The following TENM4 variants were observed in gnomAD, a reference collection of about 807,000 sequenced individuals.
The protein encoded by TENM4 is teneurin transmembrane protein 4.
A neutral mutation model predicts 243.3 loss-of-function variants in TENM4; 82 were observed. The observed-to-expected ratio is 0.34, with a 90% confidence interval of 0.28 to 0.40. The LOEUF (loss-of-function observed/expected upper bound fraction) is 0.40, where lower values mean the gene tolerates loss of function less well. Ranked by LOEUF, TENM4 falls within the 10% of genes least tolerant of loss-of-function variation. The pLI is 1.00. For synonymous variants in TENM4, 1,412 were observed against 1,456.3 expected (o/e 0.97, Z 0.69); for missense variants, 3,138 against 3,673.3 (o/e 0.85, Z 3.77).
In TENM4 at chr11:78,891,333, G is replaced by A; in HGVS notation, c.753C>T (p.Asn251=). ...LNSNIPLETR[N]LGKQPFLGTL... ...TCCCTAGGAATGGCTGCTTGCCTAG[G>A]TTTCTACGCACACATGGAGACATGA... The change falls in exon 8 of 34, where the codon AAC becomes AAT. Residue 251 remains asparagine, a synonymous_variant. Coordinates refer to ENST00000278550, the MANE Select transcript of TENM4 (RefSeq NM_001098816.3). 2 of 1,551,436 alleles carry A rather than the reference G, an allele frequency of 1.3e-6. No individual in the cohort carries two copies. The highest frequency in any genetic ancestry group is 1.7e-6 in the Non-Finnish European group (2 of 1,146,922).
chr11:78,970,025 T>C (rs1441703097), intron 6 of TENM4, among the ~76,000 whole-genome samples: 1 of 152,268 alleles, frequency 6.6e-6, no homozygotes, highest in Non-Finnish European at 1.5e-5. Context: ...GTGCTAGCCA[T>C]AGGGCATTCA....
intron 6 of TENM4, among the ~76,000 whole-genome samples, chr11:78,958,367 T>C (rs1857250805): frequency 6.6e-6 from 1 of 152,244 alleles, no homozygotes; most frequent in South Asian, 2.1e-4. Flanking sequence ...AAAGTTTCTA[T>C]GGGGTAGGGA....
At chr11:79,390,832 A>G (rs907269) in intron 1 of TENM4, among the ~76,000 whole-genome samples, 4,376 of 152,274 alleles carry the variant, frequency 0.029, 217 homozygotes, top group African/African-American at 0.1. Flanking sequence ...TTCACCTGGG[A>G]AGTGGGGGAT....
intron 3 of TENM4, among the ~76,000 whole-genome samples, chr11:79,198,893 T>C (rs936067062): frequency 6.6e-6 from 1 of 152,162 alleles, no homozygotes; most frequent in Non-Finnish European, 1.5e-5. Flanking sequence ...CTGATCTGCC[T>C]GGTCTGGGGA....
At position 78,805,282 on chromosome 11, in the gene TENM4, C is replaced by CCCCCCCCCCCCCCCCCCCCCCTT; in HGVS notation, c.2179+9_2179+10insAAGGGGGGGGGGGGGGGGGGGGG. 1.0e-6 allele frequency: 1 copy of CCCCCCCCCCCCCCCCCCCCCCTT among 995,566 alleles called. No individual in the cohort carries two copies. The highest frequency in any genetic ancestry group is 1.2e-6 in the Non-Finnish European group (1 of 823,790). The allele number at this position is 995,566 out of a possible 1,614,324, so 61.7% of individuals were successfully genotyped here. A position where few individuals can be genotyped will look rare whatever the true frequency, so the allele number is the denominator to read the frequency against. ...CCCTCTACCCATGCTTCTTCTCCCC[C>CCCCCCCCCCCCCCCCCCCCCCTT]TGCATTTACCGATAGAACAGTCGTG... On this transcript the variant is annotated intron_variant, in intron 15 of 33. Coordinates refer to ENST00000278550, the MANE Select transcript of TENM4 (RefSeq NM_001098816.3).
intron 1 of TENM4, among the ~76,000 whole-genome samples, chr11:79,414,176 A>G (rs1858763933): frequency 6.6e-6 from 1 of 151,988 alleles, no homozygotes; most frequent in Non-Finnish European, 1.5e-5. Context: ...ACACACACAC[A>G]CACACACGCA....
intron 6 of TENM4, 190 bp from the exon 7 acceptor site, chr11:78,903,713 T>A: frequency 1.0e-6 from 1 of 953,558 alleles, no homozygotes; most frequent in Non-Finnish European, 1.6e-6. Flanking sequence ...AGGGATACCT[T>A]AACCAACTAA....
intron 6 of TENM4, among the ~76,000 whole-genome samples, chr11:79,047,371 A>G (rs1323016408): frequency 3.9e-5 from 6 of 152,210 alleles, no homozygotes; most frequent in African/African-American, 1.4e-4. Context: ...ATACAAAGCT[A>G]ATCAATAGTG....
At position 78,903,353 on chromosome 11, in the gene TENM4, C is replaced by T. The variant is rs541146378; in HGVS notation, c.664G>A (p.Gly222Arg). The T allele has an allele frequency of 1.2e-4, 175 of 1,489,114 alleles. 2 individuals are homozygous for T. In the East Asian group the frequency reaches 4.4e-3, roughly 37 times the overall value. 92.2% of individuals were successfully genotyped at this position (1,489,114 alleles called of 1,614,324 possible). The change falls in exon 7 of 34, where the codon GGA becomes AGA. Residue 222 changes from glycine (G) to arginine (R), a missense_variant. Gly to Arg is a moderately radical substitution (Grantham distance 125). Around this residue, in one of 2 missense-constraint regions of TENM4, gnomAD observed 671 missense variants for 614.1 expected, o/e 1.09. Transcript: ENST00000278550. ...TGGGCGCCGCCGGCAGGGGGCTCTC[C>T]GGAGAGCGAGTGGTCCGTGGGGGCC... is the stretch of plus-strand genomic sequence containing the variant. Reference protein sequence around the residue: ...SPAPTDHSLSGEPPAGGAQEP... With the variant: ...SPAPTDHSLSREPPAGGAQEP...
intron 4 of TENM4, among the ~76,000 whole-genome samples, chr11:79,126,312 G>C (rs1362068126): frequency 6.6e-6 from 1 of 152,184 alleles, no homozygotes; most frequent in African/African-American, 2.4e-5. Flanking sequence ...TTGTGAAATA[G>C]ATTTGTGAGG....
At position 79,049,306 on chromosome 11, in the gene TENM4, C is replaced by T. The variant is rs1859739416; in HGVS notation, c.493+15432G>A. Among the ~76,000 whole-genome samples, 11 of 152,228 alleles carry T rather than the reference C, an allele frequency of 7.2e-5. 1 individual carries two copies. The stretch of plus-strand genomic sequence containing the variant: ...TCAGGACGCATCATTTCATTTTTCT[C>T]TCCACTTTCATTATCAGCACTAGCA... On this transcript the variant is annotated intron_variant, in intron 6 of 33. Coordinates refer to ENST00000278550, the MANE Select transcript of TENM4 (RefSeq NM_001098816.3).
At chr11:78,730,612 C>G (rs1855639377) in intron 21 of TENM4, among the ~76,000 whole-genome samples, 1 of 152,198 alleles carries the variant, frequency 6.6e-6, no homozygotes. Flanking sequence ...TGAATGCCAG[C>G]ATGCCCAAGC....
intron 12 of TENM4, among the ~76,000 whole-genome samples, chr11:78,820,191 G>A (rs1319392492): frequency 6.6e-6 from 1 of 152,178 alleles, no homozygotes; most frequent in African/African-American, 2.4e-5. Flanking sequence ...TCCCTGAAAT[G>A]GAACTGCGAA....
chr11:78,853,577 C>A (rs543762157), intron 12 of TENM4, among the ~76,000 whole-genome samples: 2 of 152,302 alleles, frequency 1.3e-5, no homozygotes, highest in South Asian at 4.1e-4. Flanking sequence ...CTATTCTCAA[C>A]AAAACCCCAG....
chr11:78,810,221 C>T (rs1857469572), intron 14 of TENM4, among the ~76,000 whole-genome samples: 1 of 152,196 alleles, frequency 6.6e-6, no homozygotes, highest in East Asian at 1.9e-4. Flanking sequence ...ACCAGAGAAA[C>T]AGAAATAATA....
At chr11:79,286,989 A>G (rs1033003856) in intron 2 of TENM4, among the ~76,000 whole-genome samples, 3 of 152,220 alleles carry the variant, frequency 2.0e-5, no homozygotes, top group Non-Finnish European at 4.4e-5. Context: ...ACATTCAGGA[A>G]CTTGTGTTGG....
intron 6 of TENM4, among the ~76,000 whole-genome samples, chr11:78,945,679 CAAAGGAAAAGTTCTTGAA>C (rs1856990362): frequency 6.6e-6 from 1 of 152,070 alleles, no homozygotes; most frequent in African/African-American, 2.4e-5. Flanking sequence ...ATTGTGAATG[CAAAGGAAAAGTTCTTGAA>C]GGAAATGAAA....
intron 5 of TENM4, among the ~76,000 whole-genome samples, chr11:79,065,822 G>C (rs748497911): frequency 1.3e-5 from 2 of 152,226 alleles, no homozygotes; most frequent in Non-Finnish European, 2.9e-5. Context: ...AGTAGTACCT[G>C]AGTGACAAAG....
rs1002944534 is a variant in TENM4 at position 78,802,713 on chromosome 11, C to T, written c.2179+2579G>A. Among the ~76,000 whole-genome samples the T allele has an allele frequency of 4.6e-5, 7 of 152,352 alleles. No homozygotes were observed. The East Asian group carries it at 5.8e-4, about 13-fold the overall frequency. On this transcript the variant is annotated intron_variant, in intron 15 of 33. Transcript: ENST00000278550. ...TCCCAACCTCACAGGGCTGCTGTTG[C>T]GCAGGGTGTGTGTTGCCATGTGAAA...
Sources: allele counts gnomAD v4.1 joint callset (sites outside exome capture counted in the v4.1 genomes callset), GRCh38; gene constraint gnomAD v4.1.1; regional missense constraint gnomAD v4.1.1; transcripts MANE v1.5; gene names NCBI Gene and HGNC (gene_info 2026-07-23, HGNC 2026-07-21).